The following MARCHF11 variants were observed in gnomAD, a reference collection of about 807,000 sequenced individuals.
MARCHF11 encodes membrane associated ring-CH-type finger 11, also known as E3 ubiquitin-protein ligase MARCHF11.
MARCHF11 carries 29 observed loss-of-function variants against 37.3 expected under a neutral mutation model. The observed-to-expected ratio is 0.78, with a 90% CI of 0.58 to 1.06. The LOEUF is 1.06. MARCHF11 is among the 50% of genes least tolerant of loss of function. The pLI is 0.00. For missense variants in MARCHF11, 482 were observed against 533.4 expected (o/e 0.90, Z 0.95); for synonymous variants, 233 against 228.0 (o/e 1.02, Z -0.20).
At chr5:16,106,450 GTC>G (rs905623212) in intron 2 of MARCHF11, among the ~76,000 whole-genome samples, 1 of 152,212 alleles carries the variant, frequency 6.6e-6, no homozygotes, top group Non-Finnish European at 1.5e-5. Flanking sequence ...CAGGCAGGAT[GTC>G]TGAGTTCTGT....
At chr5:16,176,641 CTATA>C (rs1299687421) in intron 2 of MARCHF11, among the ~76,000 whole-genome samples, 2 of 152,064 alleles carry the variant, frequency 1.3e-5, no homozygotes, top group Non-Finnish European at 2.9e-5. Context: ...TAATTGCAAA[CTATA>C]TAAAGGATAC....
At chr5:16,080,065 C>A (rs762608699) in intron 3 of MARCHF11, among the ~76,000 whole-genome samples, 1 of 152,224 alleles carries the variant, frequency 6.6e-6, no homozygotes, top group Non-Finnish European at 1.5e-5. Context: ...CGATTCCACA[C>A]CTCCTTCTGG....
intron 2 of MARCHF11, among the ~76,000 whole-genome samples, chr5:16,157,862 C>G (rs1738003433): frequency 6.6e-6 from 1 of 151,866 alleles, no homozygotes; most frequent in Non-Finnish European, 1.5e-5. Context: ...AGCCTTTGCA[C>G]AGCAAAGTAA....
intron 2 of MARCHF11, among the ~76,000 whole-genome samples, chr5:16,124,579 G>T (rs1195964389): frequency 6.6e-6 from 1 of 152,114 alleles, no homozygotes; most frequent in Non-Finnish European, 1.5e-5. Context: ...AGCCACCAAT[G>T]AAGTTTCTAC....
chr5:16,104,920 C>CACAT (rs1057099050), intron 2 of MARCHF11, among the ~76,000 whole-genome samples: 2 of 151,422 alleles, frequency 1.3e-5, no homozygotes, highest in Admixed American at 1.3e-4. Context: ...AGGAAACACA[C>CACAT]ACACACACAC....
intron 3 of MARCHF11, among the ~76,000 whole-genome samples, chr5:16,090,265 G>C (rs373705571): frequency 6.6e-6 from 1 of 152,188 alleles, no homozygotes; most frequent in African/African-American, 2.4e-5. Context: ...GGGAACAACA[G>C]ATGGGTCAAA....
rs146930956 is a variant in MARCHF11, at chr5:16,068,376, T to C, written c.887-583A>G. Among the ~76,000 whole-genome samples the C allele has an allele frequency of 1.4e-4, 21 of 152,340 alleles. 1 individual carries two copies. In the East Asian group the frequency reaches 3.9e-3, roughly 28 times the overall value. On this transcript the variant is annotated intron_variant, in intron 3 of 3. Transcript: ENST00000332432. ...GCTTTATGAATATTATCCCATGTAG[T>C]ACTCATCGTAGTCTTATAAATTTAA...
intron 2 of MARCHF11, among the ~76,000 whole-genome samples, chr5:16,121,576 C>T (rs914950690): frequency 6.6e-6 from 1 of 152,196 alleles, no homozygotes; most frequent in African/African-American, 2.4e-5. Flanking sequence ...TCGTTAGTGA[C>T]AGAAGGCATC....
chr5:16,135,222 G>C (rs1480002727), intron 2 of MARCHF11, among the ~76,000 whole-genome samples: 1 of 152,124 alleles, frequency 6.6e-6, no homozygotes, highest in Non-Finnish European at 1.5e-5. Flanking sequence ...GAAATAAACA[G>C]GATGAGATTC....
chr5:16,136,902 A>G (rs1231901667), intron 2 of MARCHF11, among the ~76,000 whole-genome samples: 1 of 152,228 alleles, frequency 6.6e-6, no homozygotes, highest in Non-Finnish European at 1.5e-5. Context: ...CTAAAGAAAC[A>G]TAATGAACTA....
intron 2 of MARCHF11, among the ~76,000 whole-genome samples, chr5:16,141,931 G>A (rs1463992107): frequency 6.6e-6 from 1 of 152,180 alleles, no homozygotes; most frequent in Non-Finnish European, 1.5e-5. Context: ...TGCTGCATTC[G>A]TGGGGGGATC....
At chr5:16,114,087 C>A (rs369567710) in intron 2 of MARCHF11, among the ~76,000 whole-genome samples, 20 of 152,046 alleles carry the variant, frequency 1.3e-4, no homozygotes, top group South Asian at 2.1e-4. Context: ...AAATAATAAC[C>A]TTCAGTTCCT....
chr5:16,172,439 G>A (rs1738285496), intron 2 of MARCHF11, among the ~76,000 whole-genome samples: 1 of 152,080 alleles, frequency 6.6e-6, no homozygotes, highest in Non-Finnish European at 1.5e-5. Context: ...AATAAAACAC[G>A]TCTCCCCTCA....
chr5:16,148,738 C>G (rs1255596969), intron 2 of MARCHF11, among the ~76,000 whole-genome samples: 1 of 152,044 alleles, frequency 6.6e-6, no homozygotes. Context: ...AGAGGCATAA[C>G]CAGAAATTCT....
intron 3 of MARCHF11, among the ~76,000 whole-genome samples, chr5:16,088,372 G>GT (rs1736734736): frequency 1.3e-5 from 2 of 152,148 alleles, no homozygotes. Flanking sequence ...ACCTAGCACT[G>GT]TTCAACACAT....
At chr5:16,129,677 T>C (rs1737480902) in intron 2 of MARCHF11, among the ~76,000 whole-genome samples, 1 of 152,194 alleles carries the variant, frequency 6.6e-6, no homozygotes, top group African/African-American at 2.4e-5. Flanking sequence ...CTAAAAAGGC[T>C]TTGTAAAAAT....
chr5:16,101,100 C>A (rs545984588), intron 2 of MARCHF11, among the ~76,000 whole-genome samples: 1 of 152,250 alleles, frequency 6.6e-6, no homozygotes, highest in South Asian at 2.1e-4. Context: ...TTTATTCCTT[C>A]ATTTGCATTC....
In MARCHF11 at chr5:16,177,861, G is replaced by A. The variant is rs1176344123; in HGVS notation, c.558C>T (p.Cys186=). The A allele has an allele frequency of 1.9e-6, 3 of 1,609,916 alleles. No individual in the cohort carries two copies. Among genetic ancestry groups the A allele is most frequent in the Middle Eastern group, 1.7e-4 (1 of 6,044 alleles). The change falls in exon 2 of 4, where the codon TGC becomes TGT. Residue 186 remains cysteine, a synonymous_variant. Coordinates refer to ENST00000332432, the MANE Select transcript of MARCHF11 (RefSeq NM_001102562.3). The part of the protein sequence containing the change: ...GAEQGELLNP[C]RCDGSVRYTH... ...TATACCGAACTGACCCATCACATCG[G>A]CAGGGGTTCAACAACTCACCCTAAA...
chr5:16,089,435 T>C (rs1736754928), intron 3 of MARCHF11, among the ~76,000 whole-genome samples: 1 of 152,190 alleles, frequency 6.6e-6, no homozygotes, highest in South Asian at 2.1e-4. Flanking sequence ...TCACATTTCA[T>C]GCAAACTGTT....
Sources: gnomAD v4.1 joint callset for allele counts (sites outside exome capture counted in the v4.1 genomes callset) on GRCh38, gnomAD v4.1.1 for gene constraint, MANE v1.5 for transcripts, NCBI Gene and HGNC (gene_info 2026-07-23, HGNC 2026-07-21) for gene names.